AKAP19: variants seen among roughly 807,000 people sequenced by gnomAD.
The protein encoded by AKAP19 is small A-kinase anchoring protein.
chr2:190,097,189 A>C, the AKAP19 span, among the ~76,000 whole-genome samples: 1 of 152,154 alleles, frequency 6.6e-6, no homozygotes, highest in Non-Finnish European at 1.5e-5. Context: ...TAAGCCCAGC[A>C]TCCATTAGTT....
At chr2:190,180,617 G>A in the AKAP19 span, 13 of 985,674 alleles carry the variant, frequency 1.3e-5, no homozygotes, top group African/African-American at 3.5e-5. The surrounding 1 kb of genome is among the most constrained non-coding windows in gnomAD (Gnocchi z 6.8). Flanking sequence ...CCGGCTGGCA[G>A]CCCAGCTCCG....
At chr2:190,044,573 T>A in the AKAP19 span, among the ~76,000 whole-genome samples, 5 of 151,880 alleles carry the variant, frequency 3.3e-5, no homozygotes, top group Non-Finnish European at 7.4e-5. Flanking sequence ...GTCCAGGGAG[T>A]TGCCAAGCTG....
At chr2:190,068,631 G>A in the AKAP19 span, among the ~76,000 whole-genome samples, 2 of 152,062 alleles carry the variant, frequency 1.3e-5, no homozygotes, top group African/African-American at 4.8e-5. Flanking sequence ...CACTGCACCT[G>A]GCCAGAACAG....
At chr2:189,883,639 C>T in the AKAP19 span, among the ~76,000 whole-genome samples, 1 of 151,616 alleles carries the variant, frequency 6.6e-6, no homozygotes, top group African/African-American at 2.4e-5. Flanking sequence ...AAACTAAAGC[C>T]GGGAGGGGTA....
the AKAP19 span, among the ~76,000 whole-genome samples, chr2:189,962,921 A>G: frequency 6.6e-6 from 1 of 152,014 alleles, no homozygotes. Flanking sequence ...CACATTTTAC[A>G]TTATTTTGGA....
chr2:190,092,298 T>C, the AKAP19 span, among the ~76,000 whole-genome samples: 1 of 152,200 alleles, frequency 6.6e-6, no homozygotes, highest in African/African-American at 2.4e-5. Flanking sequence ...TGTAAGAGAA[T>C]GTACTTACTG....
At chr2:190,070,379 G>C in the AKAP19 span, among the ~76,000 whole-genome samples, 1 of 151,412 alleles carries the variant, frequency 6.6e-6, no homozygotes, top group African/African-American at 2.4e-5. Flanking sequence ...ACCACAGAAA[G>C]TTACAAGGAG....
At chr2:189,966,530 A>T in the AKAP19 span, among the ~76,000 whole-genome samples, 2 of 152,206 alleles carry the variant, frequency 1.3e-5, no homozygotes, top group Admixed American at 1.3e-4. Flanking sequence ...GGAGTTTGGG[A>T]TGGGAAGAGG....
At chr2:190,090,401 C>T in the AKAP19 span, among the ~76,000 whole-genome samples, 1 of 152,134 alleles carries the variant, frequency 6.6e-6, no homozygotes, top group South Asian at 2.1e-4. Context: ...GCTGCCATGC[C>T]TCAAACAGTG....
At chr2:190,081,438 T>G in the AKAP19 span, among the ~76,000 whole-genome samples, 1 of 152,180 alleles carries the variant, frequency 6.6e-6, no homozygotes, top group Non-Finnish European at 1.5e-5. Flanking sequence ...GAGAATTGTT[T>G]TGTGGGCTCA....
chr2:190,113,409 A>G, the AKAP19 span, among the ~76,000 whole-genome samples: 1 of 152,186 alleles, frequency 6.6e-6, no homozygotes, highest in African/African-American at 2.4e-5. Context: ...CATTTCTTTA[A>G]CAGTATGATC....
At chr2:189,980,405 C>T in the AKAP19 span, among the ~76,000 whole-genome samples, 1 of 152,170 alleles carries the variant, frequency 6.6e-6, no homozygotes, top group South Asian at 2.1e-4. Context: ...GTGGTGCAAT[C>T]TCAGCTCACT....
the AKAP19 span, among the ~76,000 whole-genome samples, chr2:189,938,373 T>C: frequency 4.0e-5 from 6 of 151,342 alleles, no homozygotes; most frequent in African/African-American, 9.7e-5. Flanking sequence ...GTGGTACTTA[T>C]ACTATGGTGT....
the AKAP19 span, among the ~76,000 whole-genome samples, chr2:190,187,409 C>CTTTTTTT: frequency 1.5e-5 from 2 of 131,290 alleles, no homozygotes; most frequent in African/African-American, 2.9e-5. Flanking sequence ...TTAGAAGTTA[C>CTTTTTTT]TTTTTTTTTT....
chr2:189,949,636 T>TC, the AKAP19 span, among the ~76,000 whole-genome samples: 2 of 146,710 alleles, frequency 1.4e-5, no homozygotes, highest in Admixed American at 6.7e-5. Flanking sequence ...TCTTTCTTTT[T>TC]TTTTTTTTTT....
the AKAP19 span, among the ~76,000 whole-genome samples, chr2:189,977,612 T>C: frequency 6.6e-6 from 1 of 152,236 alleles, no homozygotes; most frequent in African/African-American, 2.4e-5. Context: ...ATTTAGAAGA[T>C]AAATTTAATT....
chr2:190,089,226 G>C, the AKAP19 span, among the ~76,000 whole-genome samples: 1 of 151,956 alleles, frequency 6.6e-6, no homozygotes, highest in South Asian at 2.1e-4. Flanking sequence ...TTTTGTTGTT[G>C]CTGTTTTTGT....
At chr2:189,940,760 G>A in the AKAP19 span, among the ~76,000 whole-genome samples, 31 of 151,354 alleles carry the variant, frequency 2.0e-4, no homozygotes, top group African/African-American at 5.8e-4. Flanking sequence ...GCGTGGTGGC[G>A]GACACCTATA....
At chr2:190,166,316 TC>T in the AKAP19 span, among the ~76,000 whole-genome samples, 1 of 112,510 alleles carries the variant, frequency 8.9e-6, no homozygotes, top group South Asian at 3.0e-4. Context: ...AAAAATCCAC[TC>T]TTTTTTTTTT....
Sources: gnomAD v4.1 joint callset for allele counts (sites outside exome capture counted in the v4.1 genomes callset) on GRCh38, gnomAD v4.1.1 for gene constraint, Gnocchi (gnomAD v3.1) non-coding constraint, MANE v1.5 for transcripts, NCBI Gene and HGNC (gene_info 2026-07-23, HGNC 2026-07-21) for gene names.